Variants in UIMC1 observed in about 807,000 individuals in gnomAD.
The protein encoded by UIMC1 is BRCA1-A complex subunit RAP80.
In UIMC1, 42 loss-of-function variants were observed where a neutral mutation model predicts 84.9. That is an observed-to-expected ratio of 0.49 (90% CI 0.39 to 0.64). UIMC1 has a LOEUF of 0.64. Among genes scored for constraint, UIMC1 ranks in the 30% least tolerant of loss-of-function variants. The pLI is 0.00. For synonymous variants in UIMC1, 281 were observed against 293.0 expected, an observed-to-expected ratio of 0.96 and a Z score of 0.42; for missense variants, 825 against 847.6, an observed-to-expected ratio of 0.97 and a Z score of 0.33.
At chr5:176,995,670 C>T (rs931634642) in intron 1 of UIMC1, among the ~76,000 whole-genome samples, 1 of 151,456 alleles carries the variant, frequency 6.6e-6, no homozygotes, top group African/African-American at 2.4e-5. Context: ...AGTGAAACCC[C>T]ATCTCTACTA....
chr5:176,912,539 C>A (rs760315492), intron 10 of UIMC1, among the ~76,000 whole-genome samples: 5 of 149,838 alleles, frequency 3.3e-5, no homozygotes, highest in African/African-American at 4.9e-5. Context: ...ATGGAGCAAT[C>A]TCAGCTCACT....
intron 7 of UIMC1, 40 bp from the exon 8 acceptor site, chr5:176,956,075 T>C (rs752906450): frequency 6.2e-7 from 1 of 1,602,388 alleles, no homozygotes; most frequent in Non-Finnish European, 8.5e-7. Flanking sequence ...CCCAGTAAAA[T>C]AAATCAGAAC....
chr5:176,913,607 T>G (rs1026574224), intron 10 of UIMC1, among the ~76,000 whole-genome samples: 1 of 152,220 alleles, frequency 6.6e-6, no homozygotes, highest in Admixed American at 6.5e-5. Context: ...TTATTGACAA[T>G]CCTGGTATAC....
intron 1 of UIMC1, among the ~76,000 whole-genome samples, chr5:176,996,440 G>T (rs1168247113): frequency 6.6e-6 from 1 of 152,054 alleles, no homozygotes; most frequent in Non-Finnish European, 1.5e-5. Context: ...AACTAAAAAA[G>T]GACTTGTGGT....
chr5:176,984,683 C>T (rs1771689557), intron 1 of UIMC1, among the ~76,000 whole-genome samples: 1 of 151,172 alleles, frequency 6.6e-6, no homozygotes, highest in African/African-American at 2.4e-5. Context: ...AAAGAGAGAT[C>T]AGGTTGTTAC....
At position 176,908,778 on chromosome 5, in the gene UIMC1, T is replaced by C. The variant is rs1302415661; in HGVS notation, c.1677-84A>G. 11 of 1,441,160 alleles carry C rather than the reference T, an allele frequency of 7.6e-6. No individual in the cohort carries two copies. The Admixed American group carries it at 2.3e-4, about 30-fold the overall frequency. 89.3% of individuals were successfully genotyped at this position (1,441,160 alleles called of 1,614,324 possible). ...CCCCTGGATATGTCTCAAATTGTGT[T>C]TTTACGTCGCAAAGTTATTCTATGG... is the stretch of plus-strand genomic sequence containing the variant. On this transcript the variant is annotated intron_variant, in intron 11 of 14. Transcript: ENST00000511320.
chr5:176,968,561 A>G lies in UIMC1; in HGVS notation c.1194T>C (p.His398=), dbSNP rs1314818020. Residue 398 remains histidine (H), a synonymous_variant, in exon 6 of 15, where the codon CAT becomes CAC. Coordinates refer to ENST00000511320, the MANE Select transcript of UIMC1 (RefSeq NM_001199298.2). ...LLLEEEPTTS[H]GQSSQGIVEE... is the part of the protein sequence containing the mutation. ...CAGCATCACTGACCCTTACCTGACC[A>G]TGACTGGTTGTTGGTTCTTCCTCCA... The G allele has an allele frequency of 2.5e-6, 4 of 1,608,150 alleles. No individual in the cohort carries two copies. The Admixed American group carries it at 5.1e-5, about 20-fold the overall frequency.
intron 9 of UIMC1, among the ~76,000 whole-genome samples, chr5:176,946,635 G>C (rs973530880): frequency 3.3e-5 from 5 of 152,186 alleles, no homozygotes; most frequent in African/African-American, 9.6e-5. Context: ...AAGAGTTTGA[G>C]ACCAGCCTGG....
chr5:176,955,872 T>G, intron 8 of UIMC1, 87 bp downstream of exon 8: 1 of 1,224,182 alleles, frequency 8.2e-7, no homozygotes, highest in South Asian at 1.3e-5. Flanking sequence ...CTCCAGAGAG[T>G]AGGTTTGAAG....
At chr5:176,911,114 A>G (rs1409737390) in intron 11 of UIMC1, among the ~76,000 whole-genome samples, 197 bp downstream of exon 11, 1 of 18,580 alleles carries the variant, frequency 5.4e-5, no homozygotes, top group Non-Finnish European at 8.6e-5. Context: ...GAGAGAGAGA[A>G]GAAAAGAAAA....
At chr5:176,907,804 A>C (rs1030594650) in intron 12 of UIMC1, among the ~76,000 whole-genome samples, 1 of 152,186 alleles carries the variant, frequency 6.6e-6, no homozygotes, top group South Asian at 2.1e-4. Context: ...TCCGGAAAGC[A>C]ATTTGGCAGG....
chr5:176,927,755 G>A (rs1762551285), intron 10 of UIMC1, among the ~76,000 whole-genome samples: 1 of 151,384 alleles, frequency 6.6e-6, no homozygotes, highest in Non-Finnish European at 1.5e-5. Flanking sequence ...AGCCGGGTGT[G>A]GCCTGTTTCA....
intron 1 of UIMC1, among the ~76,000 whole-genome samples, chr5:176,999,872 A>G (rs960830926): frequency 2.0e-5 from 3 of 152,198 alleles, no homozygotes; most frequent in African/African-American, 4.8e-5. Context: ...GGGAGTGCAG[A>G]TATCTCTTCA....
intron 10 of UIMC1, among the ~76,000 whole-genome samples, chr5:176,929,968 T>A (rs1254739205): frequency 6.6e-6 from 1 of 152,248 alleles, no homozygotes; most frequent in East Asian, 1.9e-4. Context: ...GAGAAAAGAC[T>A]GAATTTGTCT....
chr5:176,915,477 C>G (rs1206369324), intron 10 of UIMC1, among the ~76,000 whole-genome samples: 1 of 146,244 alleles, frequency 6.8e-6, no homozygotes, highest in African/African-American at 2.6e-5. Context: ...TTTTTTGAGA[C>G]ACAGTCTCAC....
At chr5:176,936,748 A>AGC (rs1313901090) in intron 10 of UIMC1, among the ~76,000 whole-genome samples, 2 of 152,082 alleles carry the variant, frequency 1.3e-5, no homozygotes, top group East Asian at 3.8e-4. Flanking sequence ...CAATCTTCTT[A>AGC]GTTTATTCCC....
chr5:176,979,346 C>T (rs958332631), intron 2 of UIMC1, among the ~76,000 whole-genome samples: 3 of 152,068 alleles, frequency 2.0e-5, no homozygotes, highest in African/African-American at 7.2e-5. Flanking sequence ...GAGCTGGGTG[C>T]GGTGGCTCAC....
intron 6 of UIMC1, among the ~76,000 whole-genome samples, chr5:176,965,607 C>T (rs1237689227): frequency 6.6e-6 from 1 of 152,146 alleles, no homozygotes; most frequent in Non-Finnish European, 1.5e-5. Flanking sequence ...AGGCATTAGC[C>T]ATTGTGCCTA....
intron 10 of UIMC1, among the ~76,000 whole-genome samples, chr5:176,937,441 C>T (rs1380098616): frequency 3.3e-5 from 5 of 151,958 alleles, no homozygotes; most frequent in Admixed American, 6.6e-5. Flanking sequence ...TTGCAGGAGC[C>T]GAGATCGTGC....
Sources: allele counts gnomAD v4.1 joint callset (sites outside exome capture counted in the v4.1 genomes callset), GRCh38; gene constraint gnomAD v4.1.1; transcripts MANE v1.5; gene names NCBI Gene and HGNC (gene_info 2026-07-23, HGNC 2026-07-21).